SHISA6: variants seen among roughly 807,000 people sequenced by gnomAD.
SHISA6 encodes protein shisa-6.
SHISA6 carries 22 observed loss-of-function variants against 47.9 expected under a neutral mutation model. The observed-to-expected ratio is 0.46, with a 90% CI of 0.33 to 0.66. The LOEUF (loss-of-function observed/expected upper bound fraction) is 0.66. Among genes scored for constraint, SHISA6 ranks in the 30% least tolerant of loss-of-function variants. SHISA6 has a pLI of 0.02. For missense variants in SHISA6, 680 were observed against 764.6 expected (o/e 0.89, Z 1.30); for synonymous variants, 388 against 337.8 (o/e 1.15, Z -1.63).
intron 3 of SHISA6, among the ~76,000 whole-genome samples, chr17:11,479,431 A>T (rs780653790): frequency 6.6e-6 from 1 of 152,114 alleles, no homozygotes; most frequent in Non-Finnish European, 1.5e-5. Context: ...AGACACAGGG[A>T]GGGGAATATC....
intron 3 of SHISA6, among the ~76,000 whole-genome samples, chr17:11,541,254 C>T (rs568269564): frequency 1.3e-5 from 2 of 152,330 alleles, no homozygotes; most frequent in East Asian, 3.9e-4. Context: ...ATCCCTTAGA[C>T]ACTATGCTTT....
intron 3 of SHISA6, among the ~76,000 whole-genome samples, chr17:11,392,208 A>G (rs1005400008): frequency 1.3e-5 from 2 of 151,976 alleles, no homozygotes; most frequent in Non-Finnish European, 2.9e-5. Context: ...TTCTGGGGAA[A>G]TGTAATGGTT....
At chr17:11,503,441 G>A (rs978256984) in intron 3 of SHISA6, among the ~76,000 whole-genome samples, 4 of 152,226 alleles carry the variant, frequency 2.6e-5, no homozygotes, top group Non-Finnish European at 5.9e-5. Context: ...GCCCCGCCCA[G>A]CCACAGAGAA....
intron 2 of SHISA6, among the ~76,000 whole-genome samples, chr17:11,337,480 G>A (rs1911365979): frequency 2.0e-5 from 3 of 152,234 alleles, no homozygotes; most frequent in Non-Finnish European, 4.4e-5. Context: ...CTTGATGTGG[G>A]AGGCTGGCAA....
chr17:11,438,097 C>G (rs1034574777), intron 3 of SHISA6, among the ~76,000 whole-genome samples: 3 of 152,170 alleles, frequency 2.0e-5, no homozygotes, highest in African/African-American at 7.2e-5. Flanking sequence ...AGGGCCAGCA[C>G]TTTGCATTGC....
intron 3 of SHISA6, among the ~76,000 whole-genome samples, chr17:11,422,427 C>T (rs1026252982): frequency 1.3e-5 from 2 of 152,162 alleles, no homozygotes; most frequent in African/African-American, 4.8e-5. Context: ...CAGAGCTCAA[C>T]CAAGATTGAG....
chr17:11,386,827 C>T (rs1180297640), intron 3 of SHISA6, among the ~76,000 whole-genome samples: 1 of 152,138 alleles, frequency 6.6e-6, no homozygotes, highest in African/African-American at 2.4e-5. Flanking sequence ...GAAAGCAAAC[C>T]ATCAGCTGTA....
intron 2 of SHISA6, among the ~76,000 whole-genome samples, chr17:11,310,353 C>T (rs1910276922): frequency 6.6e-6 from 1 of 152,114 alleles, no homozygotes; most frequent in South Asian, 2.1e-4. Flanking sequence ...TATAACTTCA[C>T]ATAATGGCAA....
rs114298854 is a variant in SHISA6 at position 11,305,751 on chromosome 17, A to G, written c.799+42225A>G. On this transcript the variant is annotated intron_variant, in intron 2 of 5. Transcript: ENST00000441885. ...CTCAGGGCATGACAGAGAGTGGAGG[A>G]GACAGGCCCACCCTGCCCCGAGCCT... Among the ~76,000 whole-genome samples the G allele has an allele frequency of 1.9e-3, 292 of 152,184 alleles. 1 individual carries two copies. The highest frequency in any genetic ancestry group is 6.3e-3 in the African/African-American group (262 of 41,540).
chr17:11,322,562 G>A (rs1022855005), intron 2 of SHISA6, among the ~76,000 whole-genome samples: 6 of 152,088 alleles, frequency 3.9e-5, no homozygotes, highest in South Asian at 4.1e-4. Context: ...GAAAAGTTGC[G>A]AAGGACATGC....
intron 3 of SHISA6, among the ~76,000 whole-genome samples, chr17:11,543,100 G>A (rs963380710): frequency 3.9e-5 from 6 of 152,100 alleles, no homozygotes; most frequent in Non-Finnish European, 8.8e-5. Context: ...AATTTAAACA[G>A]GAAGACATTT....
At chr17:11,366,036 A>T (rs1912440483) in intron 2 of SHISA6, among the ~76,000 whole-genome samples, 1 of 152,250 alleles carries the variant, frequency 6.6e-6, no homozygotes, top group South Asian at 2.1e-4. Flanking sequence ...TGGGAATGCT[A>T]GAAAAACAGA....
chr17:11,367,133 G>A (rs1038205691), intron 2 of SHISA6, among the ~76,000 whole-genome samples: 13 of 152,198 alleles, frequency 8.5e-5, no homozygotes, highest in Admixed American at 7.2e-4. Context: ...GGACAGTGGA[G>A]AAATGGGACG....
intron 2 of SHISA6, among the ~76,000 whole-genome samples, chr17:11,336,823 C>T (rs1042528229): frequency 6.6e-6 from 1 of 152,216 alleles, no homozygotes; most frequent in South Asian, 2.1e-4. Context: ...AGTGCTCTGT[C>T]ACCTCTGATT....
At chr17:11,541,919 A>G (rs956505160) in intron 3 of SHISA6, among the ~76,000 whole-genome samples, 1 of 152,210 alleles carries the variant, frequency 6.6e-6, no homozygotes, top group Non-Finnish European at 1.5e-5. Flanking sequence ...AAGGTTGGCA[A>G]ATCCTTTCCT....
rs183515227 is a variant in SHISA6 at position 11,440,046 on chromosome 17, T to C, written c.895+60537T>C. Among the ~76,000 whole-genome samples the C allele has an allele frequency of 7.5e-3, 1,136 of 152,332 alleles. 19 individuals carry two copies. The highest frequency in any genetic ancestry group is 0.024 in the African/African-American group (1,001 of 41,570). On this transcript the variant is annotated intron_variant, in intron 3 of 5. Transcript: ENST00000441885. ...GGAGGCAGCCTGAGGGTCCTGGGTCTGCTAACACAGTTAATTCAATTCATT... is the reference window on the plus strand; with the variant it reads ...GGAGGCAGCCTGAGGGTCCTGGGTCCGCTAACACAGTTAATTCAATTCATT...
In SHISA6 at chr17:11,241,317, G is replaced by C. The variant is rs1189113191; in HGVS notation, c.-106G>C. The C allele has an allele frequency of 1.4e-6, 1 of 701,264 alleles. No individual in the cohort carries two copies. The highest frequency in any genetic ancestry group is 6.1e-5 in the South Asian group (1 of 16,416). The allele number at this position is 701,264 out of a possible 1,614,324, so 43.4% of individuals were successfully genotyped here. A position where few individuals can be genotyped will look rare whatever the true frequency, so the allele number is the denominator to read the frequency against. On this transcript the variant is annotated 5_prime_UTR_variant, in exon 1 of 6. Transcript: ENST00000441885. The surrounding 1 kb of genome is among the most constrained non-coding windows in gnomAD (Gnocchi z 5.5). ...CGCCATCGCCCCGGAGCCGCTGACC[G>C]CTCAGCGCCTCCAGCCCGGCCCGCG...
chr17:11,515,271 TAGAG>T (rs2072389923), intron 3 of SHISA6, among the ~76,000 whole-genome samples: 1 of 62,122 alleles, frequency 1.6e-5, no homozygotes, highest in Admixed American at 1.7e-4. Flanking sequence ...AAAAAGAAAA[TAGAG>T]AAAGAAAAGA....
At chr17:11,514,736 AGAG>A (rs2071568609) in intron 3 of SHISA6, among the ~76,000 whole-genome samples, 1 of 152,248 alleles carries the variant, frequency 6.6e-6, no homozygotes, top group Non-Finnish European at 1.5e-5. Context: ...GAGCCAACAC[AGAG>A]GTGCTCTAGG....
Sources: allele counts gnomAD v4.1 joint callset (sites outside exome capture counted in the v4.1 genomes callset), GRCh38; gene constraint gnomAD v4.1.1; non-coding constraint Gnocchi (gnomAD v3.1); transcripts MANE v1.5; gene names NCBI Gene and HGNC (gene_info 2026-07-23, HGNC 2026-07-21).